The following ITIH2 variants were observed in gnomAD, a reference collection of about 807,000 sequenced individuals.
ITIH2 encodes the protein inter-alpha-trypsin inhibitor heavy chain 2.
Under a neutral mutation model 104.4 loss-of-function variants are expected in ITIH2, and 103 were observed. The observed-to-expected ratio is 0.99, with a 90% CI of 0.84 to 1.16. The LOEUF is 1.16. Ranked by LOEUF, ITIH2 falls within the 50% of genes most tolerant of loss-of-function variation. ITIH2 has a pLI of 0.00. For missense variants in ITIH2, 1,108 were observed against 1,162.4 expected, an observed-to-expected ratio of 0.95 and a Z score of 0.68; for synonymous variants, 436 against 435.4, an observed-to-expected ratio of 1.00 and a Z score of -0.02.
rs1364774856 is a variant in ITIH2 at position 7,709,010 on chromosome 10, T to A, written c.193-12T>A. 2 of 1,612,240 alleles carry A rather than the reference T, an allele frequency of 1.2e-6. No individual in the cohort carries two copies. Among genetic ancestry groups the A allele is most frequent in the East Asian group, 4.5e-5 (2 of 44,858 alleles). ...TTCTATCAGTACAGTTATGCTTTCTTGCCAATTTCAGGAAGAGGTTGATCA... is the reference window on the plus strand; with the variant it reads ...TTCTATCAGTACAGTTATGCTTTCTAGCCAATTTCAGGAAGAGGTTGATCA... On this transcript the variant is annotated splice_polypyrimidine_tract_variant and intron_variant, in intron 3 of 20. Transcript: ENST00000358415.
intron 16 of ITIH2, among the ~76,000 whole-genome samples, chr10:7,742,891 G>A (rs1314590781): frequency 6.6e-6 from 1 of 152,030 alleles, no homozygotes; most frequent in African/African-American, 2.4e-5. Flanking sequence ...CTAGTCTAGT[G>A]CATACATTTT....
At chr10:7,723,409 C>T in intron 8 of ITIH2, 42 bp from the exon 9 acceptor site, 1 of 1,284,524 alleles carries the variant, frequency 7.8e-7, no homozygotes, top group Non-Finnish European at 1.1e-6. Context: ...ACCTTCTAAA[C>T]ACGAATCATG....
intron 18 of ITIH2, 131 bp from the exon 19 acceptor site, chr10:7,744,660 T>C (rs952948187): frequency 2.8e-6 from 2 of 721,584 alleles, no homozygotes; most frequent in African/African-American, 1.8e-5. Context: ...ATCTATAAAC[T>C]GTTGCAAGCG....
chr10:7,740,790 T>C (rs1835116781), intron 16 of ITIH2, among the ~76,000 whole-genome samples: 1 of 152,106 alleles, frequency 6.6e-6, no homozygotes, highest in African/African-American at 2.4e-5. Flanking sequence ...GATAATACCC[T>C]CCCTGCAGGG....
At chr10:7,704,943 G>A (rs757875283) in intron 1 of ITIH2, among the ~76,000 whole-genome samples, 165 bp from the exon 2 acceptor site, 31 of 151,240 alleles carry the variant, frequency 2.0e-4, no homozygotes, top group Non-Finnish European at 4.0e-4. Context: ...CTAGGGGAGG[G>A]ATAGCATTAG....
rs553942422 is a variant in ITIH2 at position 7,730,561 on chromosome 10, C to T, written c.1461+428C>T. Among the ~76,000 whole-genome samples the T allele has an allele frequency of 2.0e-5, 3 of 152,230 alleles. No individual in the cohort carries two copies. In the South Asian group the frequency reaches 6.2e-4, roughly 32 times the overall value. On this transcript the variant is annotated intron_variant, in intron 12 of 20. Coordinates refer to ENST00000358415, the MANE Select transcript of ITIH2 (RefSeq NM_002216.3). ...ACAGGCTGAGTGTGGTGGCTCATGC[C>T]TGTAATCCCAGCTCTTTGGAGGCCA...
At chr10:7,710,026 G>A (rs1304825271) in intron 4 of ITIH2, among the ~76,000 whole-genome samples, 4 of 152,068 alleles carry the variant, frequency 2.6e-5, no homozygotes, top group African/African-American at 7.2e-5. Flanking sequence ...GCTAATTTTC[G>A]TATTTTTAGT....
chr10:7,737,261 A>C (rs1338790503), intron 15 of ITIH2, among the ~76,000 whole-genome samples: 1 of 151,292 alleles, frequency 6.6e-6, no homozygotes, highest in Non-Finnish European at 1.5e-5. Flanking sequence ...AGTCCTGCAG[A>C]AAGTATCCAG....
At chr10:7,712,771 C>T (rs530884573) in intron 4 of ITIH2, among the ~76,000 whole-genome samples, 9 of 152,302 alleles carry the variant, frequency 5.9e-5, no homozygotes, top group African/African-American at 2.2e-4. Flanking sequence ...TCATTGCCCT[C>T]ATTCATTAAA....
At chr10:7,736,761 G>A (rs974265181) in intron 15 of ITIH2, among the ~76,000 whole-genome samples, 1 of 152,116 alleles carries the variant, frequency 6.6e-6, no homozygotes, top group African/African-American at 2.4e-5. Flanking sequence ...TATTATTTAC[G>A]AATGGATTGA....
chr10:7,736,194 C>T (rs983579053), intron 15 of ITIH2, among the ~76,000 whole-genome samples: 2 of 151,872 alleles, frequency 1.3e-5, no homozygotes, highest in African/African-American at 4.8e-5. Context: ...AGCAAAACCC[C>T]ATCTTTAGAA....
chr10:7,730,283 T>TCCTTTCTCACATGTTTCCCC (rs1245345586), intron 12 of ITIH2, 150 bp downstream of exon 12: 1 of 586,014 alleles, frequency 1.7e-6, no homozygotes, highest in Non-Finnish European at 2.9e-6. Flanking sequence ...AGTGCCCAGT[T>TCCTTTCTCACATGTTTCCCC]CCTTTCTCAC....
chr10:7,748,190 A>G (rs1466695265), intron 20 of ITIH2, among the ~76,000 whole-genome samples: 1 of 148,174 alleles, frequency 6.7e-6, no homozygotes, highest in African/African-American at 2.5e-5. Flanking sequence ...GCCTGACTCC[A>G]TCTCATAAAA....
chr10:7,738,178 T>TATTATATATTATATTCTATAA (rs1280828732), intron 15 of ITIH2, among the ~76,000 whole-genome samples: 3 of 89,966 alleles, frequency 3.3e-5, no homozygotes, highest in African/African-American at 8.0e-5. Context: ...ATATTCTATA[T>TATTATATATTATATTCTATAA]ATTATATATT....
chr10:7,747,100 T>C (rs946184709), intron 20 of ITIH2, among the ~76,000 whole-genome samples: 3 of 152,218 alleles, frequency 2.0e-5, no homozygotes, highest in African/African-American at 7.2e-5. Context: ...TGCACAGGGA[T>C]CTCTGACTGC....
chr10:7,743,061 A>C, intron 16 of ITIH2, 85 bp from the exon 17 acceptor site: 6 of 718,834 alleles, frequency 8.3e-6, no homozygotes, highest in Non-Finnish European at 1.2e-5. Flanking sequence ...TTCTGATTAA[A>C]TTAAAGATGT....
At chr10:7,710,367 C>T (rs1047932934) in intron 4 of ITIH2, among the ~76,000 whole-genome samples, 3 of 152,202 alleles carry the variant, frequency 2.0e-5, no homozygotes, top group Admixed American at 6.5e-5. Flanking sequence ...CCACTTGGAG[C>T]CTTCATGTAT....
At chr10:7,722,485 C>G (rs573847442) in intron 8 of ITIH2, among the ~76,000 whole-genome samples, 1 of 152,344 alleles carries the variant, frequency 6.6e-6, no homozygotes, top group South Asian at 2.1e-4. Flanking sequence ...TCCAAATTTT[C>G]TAAAGTGGCC....
At chr10:7,717,826 CT>C in intron 6 of ITIH2, 38 bp downstream of exon 6, 1 of 1,577,468 alleles carries the variant, frequency 6.3e-7, no homozygotes, top group Non-Finnish European at 8.7e-7. Flanking sequence ...TGACACTGTC[CT>C]TTTATAGTCT....
Sources: gnomAD v4.1 joint callset for allele counts (sites outside exome capture counted in the v4.1 genomes callset) on GRCh38, gnomAD v4.1.1 for gene constraint, MANE v1.5 for transcripts, NCBI Gene and HGNC (gene_info 2026-07-23, HGNC 2026-07-21) for gene names.